Variants in PTPRC observed in about 807,000 individuals in gnomAD.
The protein encoded by PTPRC is receptor-type tyrosine-protein phosphatase C.
PTPRC carries 44 observed loss-of-function variants against 155.9 expected under a neutral mutation model. The ratio of observed to expected loss-of-function variants is 0.28; its 90% CI spans 0.22 to 0.36. The LOEUF is 0.36. Among genes scored for constraint, PTPRC ranks in the 10% least tolerant of loss-of-function variants. The pLI, the probability that PTPRC is intolerant of heterozygous loss-of-function variation, is 1.00. For missense variants in PTPRC, 1,401 were observed against 1,564.6 expected (o/e 0.90, Z 1.76); for synonymous variants, 525 against 533.1 (o/e 0.98, Z 0.21).
chr1:198,656,986 C>T (rs1663619397), intron 2 of PTPRC, among the ~76,000 whole-genome samples: 1 of 150,288 alleles, frequency 6.7e-6, no homozygotes, highest in South Asian at 2.1e-4. Context: ...GTTAATAGAA[C>T]ATTCTAACTC....
chr1:198,751,234 A>C (rs551133581), intron 29 of PTPRC, among the ~76,000 whole-genome samples: 39 of 152,178 alleles, frequency 2.6e-4, no homozygotes, highest in African/African-American at 9.4e-4. Flanking sequence ...ATTGCCATAA[A>C]AGTCTATAGT....
intron 2 of PTPRC, among the ~76,000 whole-genome samples, chr1:198,652,714 C>T (rs1330219822): frequency 1.3e-5 from 2 of 151,546 alleles, no homozygotes; most frequent in South Asian, 4.1e-4. Context: ...GAGAGGGAAC[C>T]CAGGAGTCCA....
chr1:198,739,384 A>T (rs1414172569), intron 23 of PTPRC, among the ~76,000 whole-genome samples: 1 of 151,810 alleles, frequency 6.6e-6, no homozygotes, highest in African/African-American at 2.4e-5. Flanking sequence ...GAGATGGAAA[A>T]TTATATTCTT....
chr1:198,669,587 C>T (rs1156751654), intron 2 of PTPRC, among the ~76,000 whole-genome samples: 2 of 152,130 alleles, frequency 1.3e-5, no homozygotes, highest in African/African-American at 2.4e-5. Context: ...CTGAATCCCA[C>T]CGACATGGAA....
intron 2 of PTPRC, chr1:198,679,850 AG>A (rs1316285189): frequency 6.7e-6 from 4 of 594,568 alleles, no homozygotes; most frequent in Admixed American, 2.7e-5. Context: ...GTTAGGACCA[AG>A]GTGTAGAGTT....
intron 2 of PTPRC, among the ~76,000 whole-genome samples, chr1:198,655,532 G>A (rs1186662148): frequency 6.6e-6 from 1 of 152,054 alleles, no homozygotes; most frequent in Non-Finnish European, 1.5e-5. Flanking sequence ...TTTGGGACAA[G>A]TTTTGAATCC....
intron 9 of PTPRC, among the ~76,000 whole-genome samples, chr1:198,707,865 ATGTT>A (rs1472497062): frequency 6.6e-6 from 1 of 152,254 alleles, no homozygotes; most frequent in African/African-American, 2.4e-5. Context: ...TTTTATCAAT[ATGTT>A]TGCTTGCATT....
rs1324426802 is a variant in PTPRC at position 198,752,584 on chromosome 1, C to CTGAT, written c.3331-8_3331-5dup. On this transcript the variant is annotated splice_polypyrimidine_tract_variant and intron_variant, in intron 30 of 32. Transcript: ENST00000442510. ...ACTCCAGTTAATGCTCTCTTCAATTCTGATTTTAGAGGAAAGACTCTCGAA... is the reference window on the plus strand; with the variant it reads ...ACTCCAGTTAATGCTCTCTTCAATTCTGATTGATTTTAGAGGAAAGACTCTCGAA... 3.7e-6 allele frequency: 6 copies of CTGAT among 1,610,388 alleles called. No individual in the cohort carries two copies. Among genetic ancestry groups the CTGAT allele is most frequent in the Non-Finnish European group, 5.1e-6 (6 of 1,177,560 alleles).
chr1:198,755,948 C>T lies in PTPRC; in HGVS notation c.3688C>T (p.Pro1230Ser), dbSNP rs899511250. Residue 1230 changes from proline (P) to serine (S), a missense_variant, in exon 33 of 33, where the codon CCT (proline) becomes TCT (serine). Around this residue, in one of 3 missense-constraint regions of PTPRC, gnomAD observed 400 missense variants for 389.5 expected, o/e 1.03. Transcript: ENST00000442510. Reference protein sequence around the residue: ...FLYDVIASTYPAQNGQVKKNN... With the variant: ...FLYDVIASTYSAQNGQVKKNN... ...ATATGACGTCATTGCCAGCACCTAC[C>T]CTGCTCAGAATGGACAAGTAAAGAA... is the stretch of plus-strand genomic sequence containing the variant. 1 of 1,612,640 alleles carries T rather than the reference C, an allele frequency of 6.2e-7. No individual in the cohort carries two copies. Among genetic ancestry groups the T allele is most frequent in the Non-Finnish European group, 8.5e-7 (1 of 1,179,108 alleles).
intron 3 of PTPRC, 87 bp downstream of exon 3, chr1:198,692,460 T>C: frequency 2.6e-6 from 3 of 1,172,630 alleles, no homozygotes; most frequent in Middle Eastern, 3.1e-4. Context: ...TTATTAACAC[T>C]GAAATTATTT....
At chr1:198,702,677 C>T in intron 6 of PTPRC, 147 bp downstream of exon 6, 1 of 1,061,406 alleles carries the variant, frequency 9.4e-7, no homozygotes, top group Middle Eastern at 2.1e-4. Flanking sequence ...CCAAATTATG[C>T]AAAAGAAACT....
intron 2 of PTPRC, among the ~76,000 whole-genome samples, chr1:198,686,225 C>G (rs1665616022): frequency 6.6e-6 from 1 of 152,078 alleles, no homozygotes; most frequent in Non-Finnish European, 1.5e-5. Flanking sequence ...ACATTTTCAT[C>G]TGTTTAATGT....
chr1:198,733,324 A>G (rs1474927214), intron 20 of PTPRC, among the ~76,000 whole-genome samples: 1 of 151,704 alleles, frequency 6.6e-6, no homozygotes, highest in Non-Finnish European at 1.5e-5. Context: ...TGTTTCCCCA[A>G]TGGAACTTAG....
At chr1:198,681,709 A>G (rs890059257) in intron 2 of PTPRC, among the ~76,000 whole-genome samples, 8 of 152,240 alleles carry the variant, frequency 5.3e-5, no homozygotes, top group Admixed American at 2.0e-4. Flanking sequence ...GTTTTTAAAT[A>G]TAATATTAGG....
intron 2 of PTPRC, chr1:198,660,788 C>A (rs542456535): frequency 1.3e-5 from 2 of 152,174 alleles, no homozygotes; most frequent in South Asian, 4.1e-4. Context: ...GATAATCTAC[C>A]ACCAACACAA....
chr1:198,752,195 C>G, intron 29 of PTPRC, 54 bp from the exon 30 acceptor site: 1 of 1,559,088 alleles, frequency 6.4e-7, no homozygotes, highest in Non-Finnish European at 8.8e-7. Flanking sequence ...GGAGACTGAT[C>G]CTTTGCATAT....
intron 25 of PTPRC, among the ~76,000 whole-genome samples, chr1:198,742,969 T>C (rs1654972645): frequency 6.6e-6 from 1 of 151,262 alleles, no homozygotes; most frequent in South Asian, 2.1e-4. Context: ...AATGTCTGTA[T>C]TTGACCCAGC....
chr1:198,683,162 C>A (rs1247358728), intron 2 of PTPRC, among the ~76,000 whole-genome samples: 1 of 152,116 alleles, frequency 6.6e-6, no homozygotes, highest in Admixed American at 6.5e-5. Context: ...AGAATACCAT[C>A]TACTTTGTAG....
chr1:198,718,059 A>T, intron 13 of PTPRC, 35 bp from the exon 14 acceptor site: 7 of 1,519,040 alleles, frequency 4.6e-6, no homozygotes, highest in Non-Finnish European at 6.4e-6. Context: ...GCATCTATTA[A>T]ATTATTAATA....
Sources: allele counts gnomAD v4.1 joint callset (sites outside exome capture counted in the v4.1 genomes callset), GRCh38; gene constraint gnomAD v4.1.1; regional missense constraint gnomAD v4.1.1; transcripts MANE v1.5; gene names NCBI Gene and HGNC (gene_info 2026-07-23, HGNC 2026-07-21).